The following FAM227B variants were observed in gnomAD, a reference collection of about 807,000 sequenced individuals.
FAM227B encodes family with sequence similarity 227 member B.
FAM227B carries 88 observed loss-of-function variants against 73.8 expected under a neutral mutation model. That is an observed-to-expected ratio of 1.19 (90% CI 1.00 to 1.42). The LOEUF (loss-of-function observed/expected upper bound fraction) is 1.42. FAM227B is among the 40% of genes most tolerant of loss of function. The pLI is 0.00. For missense variants in FAM227B, 632 were observed against 590.9 expected (o/e 1.07, Z -0.72); for synonymous variants, 210 against 190.5 (o/e 1.10, Z -0.84).
At chr15:49,601,041 CAAAA>C (rs1215100007) in intron 3 of FAM227B, among the ~76,000 whole-genome samples, 1 of 90,836 alleles carries the variant, frequency 1.1e-5, no homozygotes. Flanking sequence ...GACTCTGTCT[CAAAA>C]AAAAAAAAAA....
Position 49,541,671 on chromosome 15 carries a change from T to C in FAM227B, c.874+9A>G. 2 of 1,439,048 alleles carry C rather than the reference T, an allele frequency of 1.4e-6. No individual in the cohort carries two copies. The highest frequency in any genetic ancestry group is 1.8e-6 in the Non-Finnish European group (2 of 1,092,790). The allele number at this position is 1,439,048 out of a possible 1,614,324, so 89.1% of individuals were successfully genotyped here. On this transcript the variant is annotated intron_variant, in intron 10 of 15. Coordinates refer to ENST00000299338, the MANE Select transcript of FAM227B (RefSeq NM_152647.3). ...AACAATGATTAATATTTAAATGATATATTCATACCTGAACACCAAAGAAAA... is the reference window on the plus strand; with the variant it reads ...AACAATGATTAATATTTAAATGATACATTCATACCTGAACACCAAAGAAAA...
intron 11 of FAM227B, among the ~76,000 whole-genome samples, chr15:49,503,886 G>A (rs1364271609): frequency 4.6e-5 from 7 of 152,124 alleles, no homozygotes; most frequent in Non-Finnish European, 1.0e-4. Flanking sequence ...CAGGGACCTA[G>A]AACTGGAAAT....
At chr15:49,574,990 A>C (rs747712870) in intron 8 of FAM227B, 21 bp downstream of exon 8, 5 of 1,433,150 alleles carry the variant, frequency 3.5e-6, no homozygotes, top group African/African-American at 1.5e-5. Context: ...TTAAAAAATA[A>C]ATTTTTAAAA....
chr15:49,508,365 C>A lies in FAM227B; in HGVS notation c.875-17G>T, dbSNP rs1243212638. The A allele has an allele frequency of 2.6e-6, 4 of 1,536,262 alleles. No individual in the cohort carries two copies. The highest frequency in any genetic ancestry group is 3.5e-6 in the Non-Finnish European group (4 of 1,147,686). ...GTTTTAAACCTGTTAATATAAAATA[C>A]ATATTTAGCCAAATAAATTTGGATT... On this transcript the variant is annotated splice_polypyrimidine_tract_variant and intron_variant, in intron 10 of 15. Coordinates refer to ENST00000299338, the MANE Select transcript of FAM227B (RefSeq NM_152647.3).
At chr15:49,557,895 A>G (rs967224420) in intron 9 of FAM227B, among the ~76,000 whole-genome samples, 11 of 152,180 alleles carry the variant, frequency 7.2e-5, no homozygotes, top group Non-Finnish European at 1.5e-4. Flanking sequence ...TGTAGCCCCA[A>G]CAGAGGCTGC....
chr15:49,489,828 ATATATATATATTTT>A (rs2056802272), intron 11 of FAM227B, among the ~76,000 whole-genome samples: 1 of 39,986 alleles, frequency 2.5e-5, no homozygotes, highest in Non-Finnish European at 4.1e-5. Context: ...TATTTTATAT[ATATATATATATTTT>A]ATATATATAT....
chr15:49,573,032 C>T (rs1016434616), intron 8 of FAM227B, among the ~76,000 whole-genome samples: 13 of 150,070 alleles, frequency 8.7e-5, no homozygotes, highest in Non-Finnish European at 1.5e-4. Flanking sequence ...TGAACTTTCT[C>T]TTTCTGGAGA....
chr15:49,363,298 T>C (rs1460306128), intron 13 of FAM227B, among the ~76,000 whole-genome samples: 1 of 152,194 alleles, frequency 6.6e-6, no homozygotes, highest in Non-Finnish European at 1.5e-5. Context: ...TCTGATTTCT[T>C]TGAGCAATGT....
At chr15:49,416,058 C>T (rs1464092225) in intron 11 of FAM227B, among the ~76,000 whole-genome samples, 1 of 152,094 alleles carries the variant, frequency 6.6e-6, no homozygotes, top group Non-Finnish European at 1.5e-5. Context: ...CCTACCTCTT[C>T]AGGTTCATTC....
intron 13 of FAM227B, chr15:49,366,701 G>T (rs1487042526): frequency 1.4e-6 from 2 of 1,393,750 alleles, no homozygotes; most frequent in East Asian, 2.3e-5. Context: ...GGTGGGTGGC[G>T]GGTGGGGTGG....
At chr15:49,335,543 G>T in intron 13 of FAM227B, 47 bp from the exon 14 acceptor site, 2 of 1,448,618 alleles carry the variant, frequency 1.4e-6, no homozygotes, top group Non-Finnish European at 1.9e-6. Flanking sequence ...GGAACATTTG[G>T]GAAGTAAACA....
rs903632753 is a variant in FAM227B at position 49,563,656 on chromosome 15, A to G, written c.747+4589T>C. ...TTGAACAGCAGACACACAGACAAAC[A>G]GAACAGGACAGATAAGCCAAAAATA... On this transcript the variant is annotated intron_variant, in intron 9 of 15. Transcript: ENST00000299338. Among the ~76,000 whole-genome samples the G allele has an allele frequency of 1.4e-4, 22 of 152,252 alleles. 1 individual carries two copies. Among genetic ancestry groups the G allele is most frequent in the Admixed American group, 9.2e-4 (14 of 15,280 alleles).
At chr15:49,376,180 T>C (rs927895725) in intron 11 of FAM227B, among the ~76,000 whole-genome samples, 1 of 152,080 alleles carries the variant, frequency 6.6e-6, no homozygotes, top group African/African-American at 2.4e-5. Context: ...TTTTTTGGTG[T>C]CATATCTAAG....
At chr15:49,569,430 C>T (rs898946578) in intron 8 of FAM227B, among the ~76,000 whole-genome samples, 1 of 151,214 alleles carries the variant, frequency 6.6e-6, no homozygotes, top group East Asian at 1.9e-4. Context: ...GTTCTGTTTC[C>T]GGTTACTTAA....
At chr15:49,517,283 T>C (rs977053945) in intron 10 of FAM227B, among the ~76,000 whole-genome samples, 1 of 152,174 alleles carries the variant, frequency 6.6e-6, no homozygotes, top group South Asian at 2.1e-4. Context: ...TGGAACTCAG[T>C]ATACTGTAAA....
intron 3 of FAM227B, among the ~76,000 whole-genome samples, chr15:49,603,773 T>C (rs2077348960): frequency 6.6e-6 from 1 of 152,202 alleles, no homozygotes; most frequent in Non-Finnish European, 1.5e-5. Context: ...CCATTCAGTG[T>C]GTTACTAGCT....
intron 11 of FAM227B, among the ~76,000 whole-genome samples, chr15:49,436,705 T>C (rs1215323652): frequency 6.6e-6 from 1 of 151,564 alleles, no homozygotes; most frequent in Non-Finnish European, 1.5e-5. Context: ...CTAGGTTACA[T>C]AGCTAGTAAC....
chr15:49,360,642 A>G (rs1212638681), intron 13 of FAM227B, among the ~76,000 whole-genome samples: 1 of 152,170 alleles, frequency 6.6e-6, no homozygotes, highest in African/African-American at 2.4e-5. Context: ...TTAAAGATAT[A>G]CCATGCATTC....
chr15:49,402,415 G>A, intron 11 of FAM227B, among the ~76,000 whole-genome samples: 1 of 152,182 alleles, frequency 6.6e-6, no homozygotes, highest in East Asian at 1.9e-4. Flanking sequence ...CCATGAGCAT[G>A]GAAGGTTTTT....
Sources: gnomAD v4.1 joint callset for allele counts (sites outside exome capture counted in the v4.1 genomes callset) on GRCh38, gnomAD v4.1.1 for gene constraint, MANE v1.5 for transcripts, NCBI Gene and HGNC (gene_info 2026-07-23, HGNC 2026-07-21) for gene names.